WDR70: variants seen among roughly 807,000 people sequenced by gnomAD.
The protein encoded by WDR70 is WD repeat domain 70.
Under a neutral mutation model 88.6 loss-of-function variants are expected in WDR70, and 53 were observed. That is an observed-to-expected ratio of 0.60 (90% CI 0.48 to 0.75). The LOEUF (loss-of-function observed/expected upper bound fraction) is 0.75, where lower values mean the gene tolerates loss of function less well. WDR70 is among the 30% of genes least tolerant of loss of function. The pLI is 0.00. For synonymous variants in WDR70, 280 were observed against 270.0 expected (o/e 1.04, Z -0.36); for missense variants, 610 against 823.2 (o/e 0.74, Z 3.17).
intron 13 of WDR70, among the ~76,000 whole-genome samples, chr5:37,718,620 A>G (rs987626351): frequency 5.3e-5 from 8 of 152,198 alleles, no homozygotes; most frequent in African/African-American, 1.4e-4. Context: ...GGAGGAATCT[A>G]ACCCTGCTAC....
At chr5:37,673,615 CTTTTA>C (rs1332398159) in intron 10 of WDR70, among the ~76,000 whole-genome samples, 5 of 117,300 alleles carry the variant, frequency 4.3e-5, no homozygotes, top group African/African-American at 1.6e-4. Context: ...TTCTTTCCAA[CTTTTA>C]TTTGAAGTTC....
chr5:37,707,193 G>A (rs1001787514), intron 13 of WDR70, among the ~76,000 whole-genome samples: 1 of 152,070 alleles, frequency 6.6e-6, no homozygotes, highest in Admixed American at 6.5e-5. Context: ...CAAGGGACAT[G>A]GTTTATGCAA....
intron 10 of WDR70, among the ~76,000 whole-genome samples, chr5:37,626,004 GTT>G (rs75271863): frequency 3.5e-5 from 5 of 141,346 alleles, no homozygotes; most frequent in Admixed American, 1.4e-4. Context: ...TTCTAAGAGA[GTT>G]TTTTTTTTTT....
chr5:37,560,741 C>T (rs1742478190), intron 9 of WDR70, among the ~76,000 whole-genome samples: 2 of 151,712 alleles, frequency 1.3e-5, no homozygotes, highest in Admixed American at 6.6e-5. Flanking sequence ...CTTCACTGGG[C>T]CTTCCCTGGA....
chr5:37,381,537 G>C, intron 2 of WDR70, 65 bp from the exon 3 acceptor site: 2 of 1,314,344 alleles, frequency 1.5e-6, no homozygotes, highest in Non-Finnish European at 2.2e-6. Flanking sequence ...GATCAGTATT[G>C]ATCACCTAAA....
intron 8 of WDR70, among the ~76,000 whole-genome samples, chr5:37,497,518 C>CCGTCTCTTCCCT (rs1561875940): frequency 1.2e-4 from 10 of 83,744 alleles, no homozygotes; most frequent in Non-Finnish European, 3.0e-4. Flanking sequence ...TTCCCTCTTC[C>CCGTCTCTTCCCT]CTTCCCTTCC....
chr5:37,410,485 T>C (rs1054992444), intron 5 of WDR70, among the ~76,000 whole-genome samples: 5 of 152,142 alleles, frequency 3.3e-5, no homozygotes, highest in African/African-American at 1.2e-4. Context: ...AGATGCTAGC[T>C]GCATTTGCTA....
chr5:37,558,901 G>C (rs1057202008), intron 9 of WDR70, among the ~76,000 whole-genome samples: 2 of 149,294 alleles, frequency 1.3e-5, no homozygotes, highest in Non-Finnish European at 3.0e-5. Flanking sequence ...GATACTTACT[G>C]TCATAATTTG....
chr5:37,573,499 T>G (rs1742969529), intron 9 of WDR70, among the ~76,000 whole-genome samples: 1 of 151,424 alleles, frequency 6.6e-6, no homozygotes, highest in South Asian at 2.1e-4. Context: ...CATTTAACAT[T>G]AGGTATATCT....
In WDR70 at chr5:37,514,339, CAT is replaced by C. The variant is rs70978826; in HGVS notation, c.841-2156_841-2155del. On this transcript the variant is annotated intron_variant, in intron 8 of 17. Coordinates refer to ENST00000265107, the MANE Select transcript of WDR70 (RefSeq NM_018034.4). ...CGACATTATGGCATATTTAGAACTA[CAT>C]ATATATATATATATATATGTATGTA... 2.4e-3 allele frequency among the ~76,000 whole-genome samples: 69 copies of C among 28,740 alleles called. 13 individuals carry two copies. Among genetic ancestry groups the C allele is most frequent in the South Asian group, 0.023 (8 of 352 alleles). 18.9% of individuals were successfully genotyped at this position (28,740 alleles called of 152,430 possible). A position where few individuals can be genotyped will look rare whatever the true frequency, so the allele number is the denominator to read the frequency against.
At chr5:37,397,064 C>T (rs1749037592) in intron 5 of WDR70, among the ~76,000 whole-genome samples, 1 of 151,992 alleles carries the variant, frequency 6.6e-6, no homozygotes, top group Non-Finnish European at 1.5e-5. Context: ...ATAATTTGGG[C>T]CCAGGAGATA....
chr5:37,647,001 T>C (rs962767920), intron 10 of WDR70, among the ~76,000 whole-genome samples: 9 of 152,204 alleles, frequency 5.9e-5, no homozygotes, highest in African/African-American at 2.2e-4. Flanking sequence ...CAATAACTCT[T>C]AGATTTGCCC....
chr5:37,440,211 T>G (rs1320014610), intron 6 of WDR70, among the ~76,000 whole-genome samples: 1 of 152,222 alleles, frequency 6.6e-6, no homozygotes, highest in Admixed American at 6.5e-5. Context: ...TATGGCATAA[T>G]AGTCAACTGA....
At chr5:37,730,479 A>G (rs1748114903) in intron 17 of WDR70, among the ~76,000 whole-genome samples, 1 of 151,992 alleles carries the variant, frequency 6.6e-6, no homozygotes, top group Non-Finnish European at 1.5e-5. Flanking sequence ...TCTTTTTCAC[A>G]TAGAACTCTG....
chr5:37,426,993 C>T (rs1173067675), intron 5 of WDR70, among the ~76,000 whole-genome samples: 1 of 152,080 alleles, frequency 6.6e-6, no homozygotes, highest in African/African-American at 2.4e-5. Flanking sequence ...CCAGGTTGGT[C>T]TCAAACTCAT....
intron 5 of WDR70, among the ~76,000 whole-genome samples, chr5:37,410,735 G>C (rs950321057): frequency 1.3e-5 from 2 of 152,144 alleles, no homozygotes; most frequent in Non-Finnish European, 1.5e-5. Flanking sequence ...TAAATGAAAA[G>C]CTTGTGACAT....
intron 7 of WDR70, 48 bp downstream of exon 7, chr5:37,443,420 AC>A (rs758232302): frequency 6.3e-7 from 1 of 1,598,228 alleles, no homozygotes; most frequent in East Asian, 2.2e-5. Context: ...TAATGTCTTC[AC>A]ATTGGAAGAC....
intron 6 of WDR70, among the ~76,000 whole-genome samples, chr5:37,440,490 C>T (rs1268836409): frequency 4.6e-5 from 7 of 152,202 alleles, no homozygotes; most frequent in South Asian, 4.2e-4. Flanking sequence ...GGATTACTGG[C>T]GCTCGCCACA....
chr5:37,667,740 T>C (rs952487995), intron 10 of WDR70, among the ~76,000 whole-genome samples: 2 of 148,730 alleles, frequency 1.3e-5, no homozygotes, highest in African/African-American at 5.0e-5. Context: ...ATATGTATTA[T>C]AAGCCCCTTT....
Sources: allele counts gnomAD v4.1 joint callset (sites outside exome capture counted in the v4.1 genomes callset), GRCh38; gene constraint gnomAD v4.1.1; transcripts MANE v1.5; gene names NCBI Gene and HGNC (gene_info 2026-07-23, HGNC 2026-07-21).